The following JMJD1C variants were observed in gnomAD, a reference collection of about 807,000 sequenced individuals.
JMJD1C encodes the protein jumonji domain containing 1C.
A neutral mutation model predicts 245.3 loss-of-function variants in JMJD1C; 31 were observed. The observed-to-expected ratio is 0.13, with a 90% CI of 0.09 to 0.17. The LOEUF is 0.17. Among genes scored for constraint, JMJD1C ranks in the 10% least tolerant of loss-of-function variants. The pLI is 1.00. For synonymous variants in JMJD1C, 1,057 were observed against 1,017.4 expected (o/e 1.04, Z -0.74); for missense variants, 2,691 against 3,000.2 (o/e 0.90, Z 2.41).
At chr10:63,314,551 A>G (rs932604097) in intron 2 of JMJD1C, among the ~76,000 whole-genome samples, 1 of 151,856 alleles carries the variant, frequency 6.6e-6, no homozygotes, top group African/African-American at 2.4e-5. Context: ...TGTCACAAAC[A>G]CACACACACA....
At chr10:63,438,091 AT>A (rs976997969) in intron 1 of JMJD1C, among the ~76,000 whole-genome samples, 1 of 152,132 alleles carries the variant, frequency 6.6e-6, no homozygotes, top group African/African-American at 2.4e-5. Flanking sequence ...AACAAACATG[AT>A]ACTTTAAGTA....
chr10:63,474,010 T>C (rs750191363), intron 1 of JMJD1C, among the ~76,000 whole-genome samples: 5 of 151,472 alleles, frequency 3.3e-5, no homozygotes, highest in Admixed American at 6.6e-5. Flanking sequence ...GCTATTGCAC[T>C]CCAGCCTAGG....
chr10:63,261,989 C>G (rs772876719), intron 3 of JMJD1C, among the ~76,000 whole-genome samples: 23 of 152,092 alleles, frequency 1.5e-4, no homozygotes, highest in Non-Finnish European at 2.8e-4. Flanking sequence ...AGAATTTTCC[C>G]CCACCTACTT....
intron 1 of JMJD1C, among the ~76,000 whole-genome samples, chr10:63,483,087 A>T (rs1953879516): frequency 6.6e-6 from 1 of 152,238 alleles, no homozygotes; most frequent in Non-Finnish European, 1.5e-5. Context: ...AATCTAATGT[A>T]AAGTAACTAT....
chr10:63,294,179 C>T (rs1334556820), intron 2 of JMJD1C, among the ~76,000 whole-genome samples: 4 of 152,056 alleles, frequency 2.6e-5, no homozygotes, highest in Admixed American at 1.3e-4. Context: ...TGGTCATTTT[C>T]GTAATTATGC....
intron 2 of JMJD1C, among the ~76,000 whole-genome samples, chr10:63,275,683 T>C (rs901265749): frequency 6.6e-6 from 1 of 152,194 alleles, no homozygotes; most frequent in Non-Finnish European, 1.5e-5. Flanking sequence ...AGGATCCTTT[T>C]TGTTTCCAAA....
chr10:63,248,422 G>A (rs1280881068), intron 3 of JMJD1C, among the ~76,000 whole-genome samples: 1 of 121,946 alleles, frequency 8.2e-6, no homozygotes, highest in Non-Finnish European at 2.0e-5. Flanking sequence ...CCCGGAAGCC[G>A]AGGCAGGAGA....
At chr10:63,323,397 G>C (rs1390985772) in intron 2 of JMJD1C, among the ~76,000 whole-genome samples, 4 of 149,894 alleles carry the variant, frequency 2.7e-5, no homozygotes, top group Non-Finnish European at 5.9e-5. Flanking sequence ...GCACGCACCT[G>C]GAATCCCAGC....
chr10:63,432,500 T>C (rs1950817681), intron 1 of JMJD1C, among the ~76,000 whole-genome samples: 1 of 152,114 alleles, frequency 6.6e-6, no homozygotes, highest in African/African-American at 2.4e-5. Context: ...CCTTCCTGCC[T>C]GGAGCTGAAC....
intron 1 of JMJD1C, among the ~76,000 whole-genome samples, chr10:63,513,818 C>T (rs1954940656): frequency 6.6e-6 from 1 of 152,230 alleles, no homozygotes; most frequent in East Asian, 1.9e-4. Flanking sequence ...GAGGCTGAGG[C>T]AGGAGAATGG....
intron 3 of JMJD1C, among the ~76,000 whole-genome samples, chr10:63,258,777 A>G (rs1360332097): frequency 6.6e-6 from 1 of 152,212 alleles, no homozygotes; most frequent in Non-Finnish European, 1.5e-5. Flanking sequence ...AGTTCTTATC[A>G]TAGATTATAA....
chr10:63,311,630 A>G (rs528749177), intron 2 of JMJD1C, among the ~76,000 whole-genome samples: 1 of 152,340 alleles, frequency 6.6e-6, no homozygotes, highest in East Asian at 1.9e-4. Context: ...CAAGTAAATC[A>G]TTCTGAAAAA....
intron 2 of JMJD1C, among the ~76,000 whole-genome samples, chr10:63,377,966 T>C (rs962433619): frequency 6.7e-6 from 1 of 148,426 alleles, no homozygotes; most frequent in Non-Finnish European, 1.5e-5. Flanking sequence ...TAAGAAAATA[T>C]ATCAAAAATT....
At chr10:63,387,199 T>C (rs10822165) in intron 1 of JMJD1C, among the ~76,000 whole-genome samples, 99,993 of 152,080 alleles carry the variant, frequency 0.66, 35,810 homozygotes, top group Non-Finnish European at 0.81. Flanking sequence ...ATTCAAACTA[T>C]TGGAAGAAGT....
At chr10:63,307,850 A>G (rs1211253871) in intron 2 of JMJD1C, among the ~76,000 whole-genome samples, 1 of 152,010 alleles carries the variant, frequency 6.6e-6, no homozygotes. Context: ...TCATATCCAA[A>G]CCAAAACTGG....
chr10:63,260,622 C>G (rs1854581287), intron 3 of JMJD1C, among the ~76,000 whole-genome samples: 1 of 151,848 alleles, frequency 6.6e-6, no homozygotes, highest in Non-Finnish European at 1.5e-5. Flanking sequence ...TGTAGTCACG[C>G]TCTGTTGCCC....
intron 2 of JMJD1C, among the ~76,000 whole-genome samples, chr10:63,339,927 T>C (rs1392266092): frequency 2.6e-5 from 4 of 152,148 alleles, no homozygotes; most frequent in Non-Finnish European, 5.9e-5. Flanking sequence ...GGCATGCACC[T>C]GTAGTCCCTG....
chr10:63,498,019 T>C (rs574990133), intron 1 of JMJD1C, among the ~76,000 whole-genome samples: 1 of 152,290 alleles, frequency 6.6e-6, no homozygotes, highest in East Asian at 1.9e-4. Context: ...AAGTTATACT[T>C]CATGGAGAGA....
intron 5 of JMJD1C, among the ~76,000 whole-genome samples, chr10:63,216,745 T>C (rs973948173): frequency 2.6e-5 from 4 of 152,094 alleles, no homozygotes; most frequent in African/African-American, 7.2e-5. Context: ...AAAAACTCCA[T>C]AGGAAACTTG....
Sources: gnomAD v4.1 joint callset for allele counts (sites outside exome capture counted in the v4.1 genomes callset) on GRCh38, gnomAD v4.1.1 for gene constraint, MANE v1.5 for transcripts, NCBI Gene and HGNC (gene_info 2026-07-23, HGNC 2026-07-21) for gene names.